WDR27: variants seen among roughly 807,000 people sequenced by gnomAD.
WDR27 encodes WD repeat-containing protein 27.
Under a neutral mutation model 114.4 loss-of-function variants are expected in WDR27, and 100 were observed. The ratio of observed to expected loss-of-function variants is 0.87; its 90% CI spans 0.74 to 1.03. The LOEUF is 1.03. WDR27 is among the 50% of genes least tolerant of loss of function. The probability of loss-of-function intolerance (pLI) is 0.00; values close to 1 mark genes in which losing one functional copy is unlikely to be tolerated. For synonymous variants in WDR27, 449 were observed against 423.1 expected (o/e 1.06, Z -0.75); for missense variants, 1,129 against 1,092.9 (o/e 1.03, Z -0.47).
chr6:169,575,423 TCCAC>T (rs1484313347), intron 24 of WDR27, among the ~76,000 whole-genome samples: 2,274 of 36,370 alleles, frequency 0.063, 118 homozygotes, highest in East Asian at 0.29. Context: ...CATCCATCCA[TCCAC>T]CCACCATCAC....
At chr6:169,548,819 G>A (rs994197327) in intron 25 of WDR27, among the ~76,000 whole-genome samples, 3 of 152,130 alleles carry the variant, frequency 2.0e-5, no homozygotes, top group African/African-American at 7.2e-5. Context: ...TTTAACAAAT[G>A]GTGCTATAGA....
chr6:169,462,305 C>A (rs1785001698), intron 25 of WDR27, among the ~76,000 whole-genome samples: 1 of 151,924 alleles, frequency 6.6e-6, no homozygotes, highest in Non-Finnish European at 1.5e-5. Flanking sequence ...GGTGTAGTGG[C>A]ACGTGCCTGT....
intron 25 of WDR27, among the ~76,000 whole-genome samples, chr6:169,530,222 A>G (rs1411090438): frequency 6.6e-6 from 1 of 152,212 alleles, no homozygotes; most frequent in Non-Finnish European, 1.5e-5. Flanking sequence ...GCCATAGCTC[A>G]AAAGCTATGA....
chr6:169,513,900 A>T (rs145943515), intron 25 of WDR27, among the ~76,000 whole-genome samples: 21 of 152,286 alleles, frequency 1.4e-4, no homozygotes, highest in African/African-American at 5.1e-4. Context: ...TAGACAGTAC[A>T]GGAGGAAAAA....
intron 23 of WDR27, among the ~76,000 whole-genome samples, chr6:169,595,997 CTT>C (rs1806719838): frequency 6.6e-6 from 1 of 152,016 alleles, no homozygotes; most frequent in South Asian, 2.1e-4. Context: ...AGCTGATACT[CTT>C]TCCCTTATAA....
chr6:169,681,158 A>C (rs906666964), intron 2 of WDR27, among the ~76,000 whole-genome samples: 1 of 152,274 alleles, frequency 6.6e-6, no homozygotes, highest in Non-Finnish European at 1.5e-5. Context: ...AGGAGAATGC[A>C]TAAAGTATAG....
At chr6:169,673,564 AAGTGACCCCAGAT>A (rs1288659080) in intron 2 of WDR27, among the ~76,000 whole-genome samples, 1 of 151,922 alleles carries the variant, frequency 6.6e-6, no homozygotes, top group Non-Finnish European at 1.5e-5. Flanking sequence ...AAACTGAGGG[AAGTGACCCCAGAT>A]GCTGGGGTCA....
chr6:169,582,452 C>T (rs1356908939), intron 24 of WDR27, among the ~76,000 whole-genome samples: 1 of 152,116 alleles, frequency 6.6e-6, no homozygotes, highest in Non-Finnish European at 1.5e-5. Context: ...CCCGTTCTTA[C>T]TTGCTCTGCT....
At chr6:169,608,790 A>T (rs1174054785) in intron 22 of WDR27, among the ~76,000 whole-genome samples, 1 of 152,180 alleles carries the variant, frequency 6.6e-6, no homozygotes, top group Non-Finnish European at 1.5e-5. Flanking sequence ...GTCTTAACTC[A>T]TTTCAGCATT....
intron 25 of WDR27, among the ~76,000 whole-genome samples, chr6:169,522,427 T>A (rs1341867231): frequency 6.6e-6 from 1 of 151,840 alleles, no homozygotes; most frequent in Non-Finnish European, 1.5e-5. Context: ...ATACAGAAAA[T>A]CAACAAATAT....
chr6:169,638,590 G>A lies in WDR27; in HGVS notation c.1818C>T (p.Asp606=), dbSNP rs768853266. The change falls in exon 18 of 26, where the codon GAC becomes GAT. Residue 606 remains aspartate, a synonymous_variant. Coordinates refer to ENST00000448612, the MANE Select transcript of WDR27 (RefSeq NM_182552.5). ...GAGCCGACCACATTCGCAGGGTCCC[G>A]TCCCGGGCCGCAGAGAGCAGCCACC... is the stretch of plus-strand genomic sequence containing the variant. The part of the protein sequence containing the change: ...DRRWLLSAAR[D]GTLRMWSARG... 77 of 1,609,208 alleles carry A rather than the reference G, an allele frequency of 4.8e-5. No individual in the cohort carries two copies. Among genetic ancestry groups the A allele is most frequent in the Non-Finnish European group, 6.2e-5 (73 of 1,178,128 alleles).
At chr6:169,605,108 C>CAAAAAAAAAAAAAAAAAAAAAAA (rs59884264) in intron 22 of WDR27, among the ~76,000 whole-genome samples, 5 of 76,208 alleles carry the variant, frequency 6.6e-5, no homozygotes, top group East Asian at 1.5e-3. Context: ...AGCAATTAGG[C>CAAAAAAAAAAAAAAAAAAAAAAA]AAAAAAAAAA....
intron 1 of WDR27, among the ~76,000 whole-genome samples, chr6:169,691,412 C>T (rs1050353217): frequency 1.3e-5 from 2 of 151,820 alleles, no homozygotes; most frequent in Admixed American, 6.6e-5. Flanking sequence ...ATAGCTACAC[C>T]TTCCAAAGCT....
intron 25 of WDR27, among the ~76,000 whole-genome samples, chr6:169,564,256 C>G (rs550866165): frequency 2.2e-4 from 33 of 152,326 alleles, no homozygotes; most frequent in Admixed American, 7.8e-4. Flanking sequence ...CTCAGCAAGT[C>G]TAGTCCTTCC....
chr6:169,563,807 T>G (rs1800020446), intron 25 of WDR27, among the ~76,000 whole-genome samples: 1 of 152,078 alleles, frequency 6.6e-6, no homozygotes, highest in Non-Finnish European at 1.5e-5. Flanking sequence ...GGGACACGGG[T>G]GGGTGGAGGT....
At chr6:169,499,118 C>T (rs562393207) in intron 25 of WDR27, among the ~76,000 whole-genome samples, 18 of 152,324 alleles carry the variant, frequency 1.2e-4, no homozygotes, top group South Asian at 4.1e-4. Flanking sequence ...CGGAAACAGA[C>T]GCTGTATTTA....
At chr6:169,593,669 G>C (rs1806201856) in intron 23 of WDR27, among the ~76,000 whole-genome samples, 3 of 152,128 alleles carry the variant, frequency 2.0e-5, no homozygotes, top group Admixed American at 2.0e-4. Flanking sequence ...CCAACATAGT[G>C]AAACCCCATC....
chr6:169,641,341 G>T (rs1022628487), intron 17 of WDR27, among the ~76,000 whole-genome samples: 2 of 152,138 alleles, frequency 1.3e-5, no homozygotes, highest in Admixed American at 6.5e-5. Flanking sequence ...CAATCCCCAC[G>T]AAGCAAGGTG....
At chr6:169,607,699 A>G (rs1809538023) in intron 22 of WDR27, among the ~76,000 whole-genome samples, 1 of 152,180 alleles carries the variant, frequency 6.6e-6, no homozygotes, top group Non-Finnish European at 1.5e-5. Flanking sequence ...TGAGTGATGG[A>G]TACCTTAAAA....
Sources: gnomAD v4.1 joint callset for allele counts (sites outside exome capture counted in the v4.1 genomes callset) on GRCh38, gnomAD v4.1.1 for gene constraint, MANE v1.5 for transcripts, NCBI Gene and HGNC (gene_info 2026-07-23, HGNC 2026-07-21) for gene names.